The following DNAH8 variants were observed in gnomAD, a reference collection of about 807,000 sequenced individuals.
DNAH8 encodes dynein axonemal heavy chain 8.
DNAH8 carries 382 observed loss-of-function variants against 562.1 expected under a neutral mutation model. That is an observed-to-expected ratio of 0.68 (90% CI 0.63 to 0.74). The LOEUF (loss-of-function observed/expected upper bound fraction) is 0.74. Ranked by LOEUF, DNAH8 falls within the 30% of genes least tolerant of loss-of-function variation. DNAH8 has a pLI of 0.00. For missense variants in DNAH8, 5,203 were observed against 5,620.4 expected, an observed-to-expected ratio of 0.93 and a Z score of 2.37; for synonymous variants, 1,881 against 1,919.4, an observed-to-expected ratio of 0.98 and a Z score of 0.52.
At chr6:38,923,246 C>T in intron 72 of DNAH8, 61 bp downstream of exon 72, 1 of 1,587,810 alleles carries the variant, frequency 6.3e-7, no homozygotes, top group South Asian at 1.1e-5. Flanking sequence ...AACATAAAGT[C>T]CATTTCCATG....
intron 58 of DNAH8, among the ~76,000 whole-genome samples, chr6:38,892,479 C>G (rs1339145838): frequency 6.6e-6 from 1 of 152,128 alleles, no homozygotes; most frequent in African/African-American, 2.4e-5. Context: ...GGGCACCATC[C>G]TTGATTTATG....
At chr6:38,886,258 T>C (rs1217596455) in intron 56 of DNAH8, among the ~76,000 whole-genome samples, 1 of 151,920 alleles carries the variant, frequency 6.6e-6, no homozygotes. Flanking sequence ...GAGATGGACC[T>C]GGAAAAAAAA....
chr6:38,909,735 A>G lies in DNAH8; in HGVS notation c.9731A>G (p.Tyr3244Cys). 6.2e-7 allele frequency: 1 copy of G among 1,613,722 alleles called. No homozygotes were observed. The highest frequency in any genetic ancestry group is 1.1e-5 in the South Asian group (1 of 91,076). Residue 3244 changes from tyrosine (Y) to cysteine (C), a missense_variant, in exon 65 of 93, where the codon TAT becomes TGT. Transcript: ENST00000327475. ...ATGGTTTCAGAGAGCTGTGAAAGTT[A>G]TTTCCAAAGGTAAGTGATATTACAT... ...HDMVSESCES[Y>C]FQRYRRRAHV...
chr6:38,950,927 T>C (rs1417328700), intron 81 of DNAH8, among the ~76,000 whole-genome samples: 1 of 151,956 alleles, frequency 6.6e-6, no homozygotes, highest in Non-Finnish European at 1.5e-5. Flanking sequence ...GAACTTGCTA[T>C]GGTGTGCACT....
At chr6:38,821,365 C>T (rs535101424) in intron 26 of DNAH8, among the ~76,000 whole-genome samples, 22 of 152,262 alleles carry the variant, frequency 1.4e-4, no homozygotes, top group African/African-American at 4.8e-4. Context: ...GTTGGAAGAT[C>T]TAATATTATT....
chr6:38,892,526 C>T (rs762149305), intron 58 of DNAH8, among the ~76,000 whole-genome samples: 3 of 152,024 alleles, frequency 2.0e-5, no homozygotes, highest in Non-Finnish European at 1.5e-5. Context: ...ATCAGTGAAT[C>T]TCAGTGACCT....
chr6:39,030,031 A>T, intron 92 of DNAH8, 74 bp from the exon 93 acceptor site: 2 of 1,218,438 alleles, frequency 1.6e-6, no homozygotes, highest in South Asian at 2.8e-5. Context: ...TTCCAAACTG[A>T]CAGCCTTTAT....
chr6:38,965,402 T>C (rs1255768395), intron 82 of DNAH8, among the ~76,000 whole-genome samples: 2 of 152,308 alleles, frequency 1.3e-5, no homozygotes, highest in African/African-American at 4.8e-5. Flanking sequence ...GGATTATGCA[T>C]ATTAAAAGGA....
At chr6:38,949,634 T>C in intron 81 of DNAH8, 64 bp downstream of exon 81, 1 of 1,002,710 alleles carries the variant, frequency 1.0e-6, no homozygotes, top group Non-Finnish European at 1.5e-6. Context: ...ACAGATTTTA[T>C]CTCAGTGAGT....
chr6:38,831,430 C>CAAAAAAAAAAAAA (rs67322321), intron 30 of DNAH8, among the ~76,000 whole-genome samples: 1 of 89,012 alleles, frequency 1.1e-5, no homozygotes, highest in Non-Finnish European at 2.1e-5. Flanking sequence ...GACACCATCT[C>CAAAAAAAAAAAAA]AAAAAAAAAA....
intron 11 of DNAH8, chr6:38,763,640 CCT>C (rs1766729376): frequency 5.8e-6 from 1 of 172,432 alleles, no homozygotes. Flanking sequence ...ATGATGAAAC[CCT>C]GTCTCTACAA....
At chr6:38,864,201 T>A in intron 45 of DNAH8, 141 bp downstream of exon 45, 1 of 789,402 alleles carries the variant, frequency 1.3e-6, no homozygotes, top group Non-Finnish European at 2.0e-6. Context: ...TTTTTTTATG[T>A]CATTATAACC....
chr6:38,975,995 G>A (rs1420998550), intron 85 of DNAH8, among the ~76,000 whole-genome samples: 1 of 152,212 alleles, frequency 6.6e-6, no homozygotes, highest in African/African-American at 2.4e-5. Context: ...CCAGCCATGG[G>A]GCTAAAGTGC....
At chr6:38,940,170 C>A (rs531530371) in intron 79 of DNAH8, among the ~76,000 whole-genome samples, 1 of 152,234 alleles carries the variant, frequency 6.6e-6, no homozygotes, top group East Asian at 1.9e-4. Context: ...AAAAGAGGTT[C>A]AAGGGAGTCT....
intron 11 of DNAH8, among the ~76,000 whole-genome samples, chr6:38,765,225 G>T (rs1376998160): frequency 6.6e-6 from 1 of 152,184 alleles, no homozygotes; most frequent in Non-Finnish European, 1.5e-5. Flanking sequence ...ACCTCTATTA[G>T]ATATATGGTT....
intron 42 of DNAH8, 86 bp downstream of exon 42, chr6:38,857,828 T>C (rs1414916551): frequency 7.3e-6 from 6 of 820,580 alleles, no homozygotes; most frequent in Admixed American, 2.8e-5. Flanking sequence ...ACATGAACTT[T>C]CCATTTACTT....
chr6:38,914,978 A>G lies in DNAH8; in HGVS notation c.9964-223A>G, dbSNP rs534235389. ...CTGAAAGCTTTAAATATTTATTTAT[A>G]TATATATTCTAAGCCTAAGAAAAGC... On this transcript the variant is annotated intron_variant, in intron 67 of 92. Coordinates refer to ENST00000327475, the MANE Select transcript of DNAH8 (RefSeq NM_001206927.2). Among the ~76,000 whole-genome samples, 6 of 152,214 alleles carry G rather than the reference A, an allele frequency of 3.9e-5. No homozygotes were observed. The East Asian group carries it at 5.8e-4, about 15-fold the overall frequency.
intron 77 of DNAH8, among the ~76,000 whole-genome samples, chr6:38,936,851 C>T (rs939206603): frequency 1.3e-5 from 2 of 152,182 alleles, no homozygotes; most frequent in African/African-American, 4.8e-5. Flanking sequence ...CAGCACTTGT[C>T]TGCCATCCCG....
rs904268992 is a variant in DNAH8 at position 38,884,057 on chromosome 6, T to A, written c.8259+59T>A. On this transcript the variant is annotated intron_variant, in intron 56 of 92. Transcript: ENST00000327475. ...AATTTGTATTTTTATGTATATATAT[T>A]ATATATATGTAAATGTTAATAACTT... is the stretch of plus-strand genomic sequence containing the variant. The A allele has an allele frequency of 2.6e-5, 27 of 1,042,580 alleles. No individual in the cohort carries two copies. The Admixed American group carries it at 4.2e-4, about 16-fold the overall frequency. 64.6% of individuals were successfully genotyped at this position (1,042,580 alleles called of 1,614,324 possible).
Sources: gnomAD v4.1 joint callset for allele counts (sites outside exome capture counted in the v4.1 genomes callset) on GRCh38, gnomAD v4.1.1 for gene constraint, MANE v1.5 for transcripts, NCBI Gene and HGNC (gene_info 2026-07-23, HGNC 2026-07-21) for gene names.